Variants in FMN2 observed in about 807,000 individuals in gnomAD.
FMN2 encodes the protein formin 2, also known as formin-2.
In FMN2, 51 loss-of-function variants were observed where a neutral mutation model predicts 142.3. The ratio of observed to expected loss-of-function variants is 0.36; its 90% confidence interval spans 0.29 to 0.45. The LOEUF (loss-of-function observed/expected upper bound fraction) is 0.45. FMN2 is among the 20% of genes least tolerant of loss of function. The probability of loss-of-function intolerance (pLI) is 1.00; values close to 1 mark genes in which losing one functional copy is unlikely to be tolerated. For missense variants in FMN2, 1,936 were observed against 2,122.8 expected (o/e 0.91, Z 1.73); for synonymous variants, 882 against 869.8 (o/e 1.01, Z -0.25).
At chr1:240,461,685 T>C (rs1676456423) in intron 16 of FMN2, among the ~76,000 whole-genome samples, 1 of 152,222 alleles carries the variant, frequency 6.6e-6, no homozygotes, top group South Asian at 2.1e-4. Context: ...TATTGTGATA[T>C]GGAAAGAGTG....
chr1:240,283,213 A>G (rs1326174498), intron 7 of FMN2, among the ~76,000 whole-genome samples: 1 of 149,238 alleles, frequency 6.7e-6, no homozygotes, highest in Admixed American at 6.6e-5. Context: ...AATAAAAATT[A>G]AGGCAGCCCT....
chr1:240,219,000 G>A (rs147538802), intron 6 of FMN2, among the ~76,000 whole-genome samples: 5 of 152,208 alleles, frequency 3.3e-5, no homozygotes, highest in African/African-American at 1.2e-4. Context: ...TTTGAAATGG[G>A]CCTTGAAGAA....
rs369796046 is a variant in FMN2, at chr1:240,211,145, T to C, written c.3975T>C (p.Cys1325=). 3.1e-6 allele frequency: 5 copies of C among 1,613,592 alleles called. No individual in the cohort carries two copies. Among genetic ancestry groups the C allele is most frequent in the Non-Finnish European group, 3.4e-6 (4 of 1,179,874 alleles). Reference sequence around the variant, plus strand: ...AAATTGAAGAGCCATCCATAGATTGTCATGAATTTGAGGAATTATTTTCTA... The same window carrying C: ...AAATTGAAGAGCCATCCATAGATTGCCATGAATTTGAGGAATTATTTTCTA... ...WEKIEEPSID[C]HEFEELFSKT... is the part of the protein sequence containing the mutation. Residue 1325 remains cysteine (C), a synonymous_variant, in exon 6 of 18, where the codon TGT becomes TGC. Transcript: ENST00000319653.
intron 8 of FMN2, among the ~76,000 whole-genome samples, chr1:240,328,146 T>TAAAAAAAAAAAAAAAAAAA (rs1671238094): frequency 7.8e-5 from 1 of 12,820 alleles, no homozygotes; most frequent in Non-Finnish European, 1.2e-4. Context: ...AGACCCCATC[T>TAAAAAAAAAAAAAAAAAAA]CAAAAAAAAA....
chr1:240,324,733 A>G lies in FMN2; in HGVS notation c.4216-4343A>G, dbSNP rs138822852. ...GGAGGGAAGAAAGAAAGAGAAAAAGAAAACAAAAACAGGTTTAGCTCTTGG... is the reference window on the plus strand; with the variant it reads ...GGAGGGAAGAAAGAAAGAGAAAAAGGAAACAAAAACAGGTTTAGCTCTTGG... On this transcript the variant is annotated intron_variant, in intron 8 of 17. Transcript: ENST00000319653. 1.9e-3 allele frequency among the ~76,000 whole-genome samples: 292 copies of G among 152,218 alleles called. 3 individuals are homozygous for G. In the East Asian group the frequency reaches 0.024, roughly 13 times the overall value.
chr1:240,214,651 G>T (rs1384867828), intron 6 of FMN2, among the ~76,000 whole-genome samples: 1 of 152,128 alleles, frequency 6.6e-6, no homozygotes, highest in South Asian at 2.1e-4. Context: ...TTTAAGGAAG[G>T]CTTTAGAGCC....
At chr1:240,275,179 T>G (rs1354970822) in intron 7 of FMN2, among the ~76,000 whole-genome samples, 1 of 151,950 alleles carries the variant, frequency 6.6e-6, no homozygotes, top group African/African-American at 2.4e-5. Context: ...CATGGTGTTT[T>G]GCTGCATGCA....
At chr1:240,128,450 G>T (rs1325796333) in intron 2 of FMN2, among the ~76,000 whole-genome samples, 1 of 152,148 alleles carries the variant, frequency 6.6e-6, no homozygotes. Context: ...GCAGGGGTAG[G>T]TGATTCTAAA....
At chr1:240,368,355 G>A (rs1359545676) in intron 14 of FMN2, among the ~76,000 whole-genome samples, 1 of 152,154 alleles carries the variant, frequency 6.6e-6, no homozygotes, top group Non-Finnish European at 1.5e-5. Flanking sequence ...TTCTATCTAT[G>A]AACATGGTAC....
rs1572350418 is a variant in FMN2 at position 240,473,755 on chromosome 1, A to G, written c.5143-373A>G. 1.3e-5 allele frequency among the ~76,000 whole-genome samples: 2 copies of G among 152,214 alleles called. No individual in the cohort carries two copies. Among genetic ancestry groups the G allele is most frequent in the Non-Finnish European group, 2.9e-5 (2 of 68,034 alleles). ...CTTATTAGTGAACCTCAATCTTGCTATTATGAGTACAGAAGATAATTAGAG... is the reference window on the plus strand; with the variant it reads ...CTTATTAGTGAACCTCAATCTTGCTGTTATGAGTACAGAAGATAATTAGAG... On this transcript the variant is annotated intron_variant, in intron 17 of 17. Transcript: ENST00000319653. The surrounding 1 kb of genome is among the most constrained non-coding windows in gnomAD (Gnocchi z 4.3).
intron 2 of FMN2, among the ~76,000 whole-genome samples, chr1:240,161,393 C>A (rs149146823): frequency 3.3e-5 from 5 of 151,960 alleles, no homozygotes; most frequent in Non-Finnish European, 5.9e-5. Context: ...ATTAGCCAGG[C>A]GTGGTGGTGG....
rs751316505 is a variant in FMN2 at position 240,170,687 on chromosome 1, G to C, written c.1783-7234G>C. The C allele has an allele frequency of 1.9e-6, 3 of 1,570,112 alleles. 1 individual carries two copies. The highest frequency in any genetic ancestry group is 2.6e-6 in the Non-Finnish European group (3 of 1,140,310). ...CCTTTGGATAAAGTCTGCCTTCTAG[G>C]TTGTGGCATTTCAGCTGGTTATGGT... On this transcript the variant is annotated intron_variant, in intron 2 of 17. Transcript: ENST00000319653.
chr1:240,156,803 G>C (rs1039225677), intron 2 of FMN2, among the ~76,000 whole-genome samples: 1 of 152,182 alleles, frequency 6.6e-6, no homozygotes, highest in Non-Finnish European at 1.5e-5. Context: ...AGGTTAGTAG[G>C]AATCACTGAG....
At chr1:240,284,342 G>C (rs78907757) in intron 7 of FMN2, among the ~76,000 whole-genome samples, 3 of 152,092 alleles carry the variant, frequency 2.0e-5, no homozygotes, top group South Asian at 2.1e-4. Context: ...TTTTAAGCTG[G>C]GGGGGAGGAT....
At chr1:240,120,545 G>T (rs1662193936) in intron 1 of FMN2, among the ~76,000 whole-genome samples, 1 of 152,148 alleles carries the variant, frequency 6.6e-6, no homozygotes, top group Non-Finnish European at 1.5e-5. Flanking sequence ...TGCTTTTTAT[G>T]TGCAAGTGAC....
chr1:240,458,474 T>C (rs988630759), intron 16 of FMN2: 2 of 152,164 alleles, frequency 1.3e-5, no homozygotes, highest in African/African-American at 4.8e-5. Context: ...AAAAAAGTCT[T>C]ACTAAACAAA....
intron 8 of FMN2, among the ~76,000 whole-genome samples, chr1:240,296,225 A>G (rs1669974236): frequency 6.7e-6 from 1 of 148,150 alleles, no homozygotes; most frequent in African/African-American, 2.5e-5. Flanking sequence ...CAAAGGTGGT[A>G]GAGAAAGGGA....
intron 6 of FMN2, among the ~76,000 whole-genome samples, chr1:240,255,964 C>G (rs2102894018): frequency 1.3e-5 from 2 of 152,218 alleles, no homozygotes; most frequent in Admixed American, 1.3e-4. Context: ...CAGAATAATT[C>G]ATCTTCAAAA....
chr1:240,182,476 A>G (rs1197330871), intron 3 of FMN2, among the ~76,000 whole-genome samples: 1 of 152,204 alleles, frequency 6.6e-6, no homozygotes, highest in Non-Finnish European at 1.5e-5. Flanking sequence ...AAGAAAAGAA[A>G]GAAACAAAGA....
Sources: allele counts gnomAD v4.1 joint callset (sites outside exome capture counted in the v4.1 genomes callset), GRCh38; gene constraint gnomAD v4.1.1; non-coding constraint Gnocchi (gnomAD v3.1); transcripts MANE v1.5; gene names NCBI Gene and HGNC (gene_info 2026-07-23, HGNC 2026-07-21).